CEP104: variants seen among roughly 807,000 people sequenced by gnomAD.
CEP104 encodes the protein centrosomal protein of 104 kDa.
A neutral mutation model predicts 113.3 loss-of-function variants in CEP104; 84 were observed. That is an observed-to-expected ratio of 0.74 (90% CI 0.62 to 0.89). CEP104 has a LOEUF of 0.89. CEP104 is among the 40% of genes least tolerant of loss of function. CEP104 has a pLI of 0.00. For synonymous variants in CEP104, 378 were observed against 421.7 expected, an observed-to-expected ratio of 0.90 and a Z score of 1.27; for missense variants, 1,053 against 1,156.6, an observed-to-expected ratio of 0.91 and a Z score of 1.30.
chr1:3,843,261 G>A (rs746646960), intron 6 of CEP104: 10 of 710,064 alleles, frequency 1.4e-5, no homozygotes, highest in Admixed American at 4.1e-5. Flanking sequence ...GAGGGTGACC[G>A]AGGATGGCAC....
chr1:3,821,675 C>T (rs1643975468), intron 20 of CEP104, among the ~76,000 whole-genome samples: 1 of 152,204 alleles, frequency 6.6e-6, no homozygotes, highest in Admixed American at 6.5e-5. Flanking sequence ...CACACTCACA[C>T]CGAGCCTGTG....
At position 3,825,693 on chromosome 1, in the gene CEP104, C is replaced by T. The variant is rs12759497; in HGVS notation, c.2364+65G>A. On this transcript the variant is annotated intron_variant, in intron 18 of 21. Coordinates refer to ENST00000378230, the MANE Select transcript of CEP104 (RefSeq NM_014704.4). ...TAAGACTTGGGACAGCTTTTTGACTCGGCCTTTCAACAGCCAGGTGTTCCC... is the reference window on the plus strand; with the variant it reads ...TAAGACTTGGGACAGCTTTTTGACTTGGCCTTTCAACAGCCAGGTGTTCCC... 141,293 of 1,045,046 alleles carry T rather than the reference C, an allele frequency of 0.14. 10,439 individuals carry two copies. Among genetic ancestry groups the T allele is most frequent in the African/African-American group, 0.25 (15,663 of 63,540 alleles). 64.7% of individuals were successfully genotyped at this position (1,045,046 alleles called of 1,614,324 possible).
At chr1:3,835,607 G>A (rs951923191) in intron 10 of CEP104, among the ~76,000 whole-genome samples, 3 of 152,150 alleles carry the variant, frequency 2.0e-5, no homozygotes, top group Non-Finnish European at 4.4e-5. Context: ...TCCTGACCTC[G>A]TGATCCACCC....
chr1:3,852,984 C>T (rs1053187911), intron 1 of CEP104, among the ~76,000 whole-genome samples: 1 of 152,202 alleles, frequency 6.6e-6, no homozygotes, highest in African/African-American at 2.4e-5. Flanking sequence ...GCCTCCAGAG[C>T]GAGAGTGCAG....
At position 3,833,917 on chromosome 1, in the gene CEP104, G is replaced by C; in HGVS notation, c.1604C>G (p.Thr535Ser). 6.2e-7 allele frequency: 1 copy of C among 1,614,232 alleles called. No homozygotes were observed. The highest frequency in any genetic ancestry group is 2.2e-5 in the East Asian group (1 of 44,890). ...CVERTIPVLL[T>S]RTGDSSARLR... ...GCGGGCAGAAGAATCTCCAGTTCTG[G>C]TGAGCAAAACGGGAATGGTCCTCTC... The change falls in exon 12 of 22, where the codon ACC becomes AGC. Residue 535 changes from threonine to serine, a missense_variant. Coordinates refer to ENST00000378230, the MANE Select transcript of CEP104 (RefSeq NM_014704.4).
At chr1:3,818,469 AGTGT>A (rs1206711792) in intron 20 of CEP104, among the ~76,000 whole-genome samples, 1 of 152,206 alleles carries the variant, frequency 6.6e-6, no homozygotes, top group Non-Finnish European at 1.5e-5. Context: ...GTCTGCCTGC[AGTGT>A]GTGTCCAGAA....
intron 3 of CEP104, 177 bp from the exon 4 acceptor site, chr1:3,847,790 AG>A: frequency 1.6e-6 from 1 of 616,386 alleles, no homozygotes; most frequent in Non-Finnish European, 2.8e-6. Flanking sequence ...TGAAAAACCT[AG>A]GAAAAACCCC....
chr1:3,827,670 T>C (rs1644118443), intron 15 of CEP104, among the ~76,000 whole-genome samples: 1 of 152,150 alleles, frequency 6.6e-6, no homozygotes, highest in South Asian at 2.1e-4. Flanking sequence ...CTCTGTGCAT[T>C]TTACCCCAAC....
intron 20 of CEP104, among the ~76,000 whole-genome samples, chr1:3,818,221 C>T (rs1643909730): frequency 6.6e-6 from 1 of 152,214 alleles, no homozygotes; most frequent in Non-Finnish European, 1.5e-5. Flanking sequence ...CTGCCTGGGG[C>T]TTCTCCTCTG....
rs1643819279 is a variant in CEP104 at position 3,812,908 on chromosome 1, A to ATTT, written c.*2493_*2494insAAA. On this transcript the variant is annotated 3_prime_UTR_variant, in exon 22 of 22. Coordinates refer to ENST00000378230, the MANE Select transcript of CEP104 (RefSeq NM_014704.4). Reference sequence around the variant, plus strand: ...AACAAAAAAACCCCCTGTAACTAACAAAAGAGGAACCTGTTTTAAATGAAC... The same window carrying ATTT: ...AACAAAAAAACCCCCTGTAACTAACATTTAAAGAGGAACCTGTTTTAAATGAAC... 1.3e-5 allele frequency: 2 copies of ATTT among 152,068 alleles called. No homozygotes were observed. The highest frequency in any genetic ancestry group is 4.1e-4 in the South Asian group (2 of 4,828). 9.4% of individuals were successfully genotyped at this position (152,068 alleles called of 1,614,324 possible).
chr1:3,843,420 A>T (rs1338595873), intron 6 of CEP104: 3 of 500,792 alleles, frequency 6.0e-6, no homozygotes, highest in Non-Finnish European at 7.0e-6. Flanking sequence ...TCTGTCACCC[A>T]GGCTGGAATA....
chr1:3,828,059 G>C (rs1644127040), intron 15 of CEP104, among the ~76,000 whole-genome samples: 1 of 152,114 alleles, frequency 6.6e-6, no homozygotes, highest in Non-Finnish European at 1.5e-5. Flanking sequence ...ATGAGCATAG[G>C]AGACCCCAGG....
At chr1:3,842,171 T>G (rs954555483) in intron 6 of CEP104, among the ~76,000 whole-genome samples, 9 of 152,202 alleles carry the variant, frequency 5.9e-5, no homozygotes, top group Non-Finnish European at 7.3e-5. Flanking sequence ...CGCTGCAAGC[T>G]CCGCCTCACG....
At position 3,814,427 on chromosome 1, in the gene CEP104, T is replaced by G. The variant is rs1643842183; in HGVS notation, c.*975A>C. 1 of 152,278 alleles carries G rather than the reference T, an allele frequency of 6.6e-6. No homozygotes were observed. The highest frequency in any genetic ancestry group is 1.5e-5 in the Non-Finnish European group (1 of 68,060). The allele number at this position is 152,278 out of a possible 1,614,324, so 9.4% of individuals were successfully genotyped here. A position where few individuals can be genotyped will look rare whatever the true frequency, so the allele number is the denominator to read the frequency against. On this transcript the variant is annotated 3_prime_UTR_variant, in exon 22 of 22. Coordinates refer to ENST00000378230, the MANE Select transcript of CEP104 (RefSeq NM_014704.4). ...GGTTTCATCATTTTAAGCAATGTGT[T>G]GATGTTTTAAACATCCTATCAACTC...
chr1:3,845,434 G>T, intron 4 of CEP104, 83 bp from the exon 5 acceptor site: 4 of 1,062,792 alleles, frequency 3.8e-6, no homozygotes, highest in Non-Finnish European at 5.7e-6. Context: ...TTGAGACAGG[G>T]TCTCGTCTGT....
intron 20 of CEP104, 62 bp from the exon 21 acceptor site, chr1:3,816,432 GA>G: frequency 7.6e-7 from 1 of 1,322,956 alleles, no homozygotes; most frequent in East Asian, 2.6e-5. Flanking sequence ...CGCTACCTGA[GA>G]CCCAAAAGGA....
chr1:3,856,125 G>A (rs1340167503), intron 1 of CEP104, among the ~76,000 whole-genome samples: 4 of 152,246 alleles, frequency 2.6e-5, no homozygotes, highest in Non-Finnish European at 5.9e-5. Flanking sequence ...ACTTTTAAGT[G>A]TGACTGCGCG....
rs578239700 is a variant in CEP104 at position 3,830,163 on chromosome 1, C to T, written c.1837-166G>A. Among the ~76,000 whole-genome samples the T allele has an allele frequency of 4.9e-4, 74 of 152,152 alleles. 1 individual carries two copies. The highest frequency in any genetic ancestry group is 2.7e-3 in the Admixed American group (41 of 15,282). ...AAACCTCACGGATCTACCGTCTCAT[C>T]GTAAGCCGTGTTATACTTTCATCAC... On this transcript the variant is annotated intron_variant, in intron 13 of 21. Transcript: ENST00000378230.
At chr1:3,818,353 A>G (rs1398834925) in intron 20 of CEP104, among the ~76,000 whole-genome samples, 1 of 152,228 alleles carries the variant, frequency 6.6e-6, no homozygotes. Context: ...CGCGTCTGAC[A>G]GGGATTTTAA....
Sources: gnomAD v4.1 joint callset for allele counts (sites outside exome capture counted in the v4.1 genomes callset) on GRCh38, gnomAD v4.1.1 for gene constraint, MANE v1.5 for transcripts, NCBI Gene and HGNC (gene_info 2026-07-23, HGNC 2026-07-21) for gene names.